CREB5: variants seen among roughly 807,000 people sequenced by gnomAD.
The protein encoded by CREB5 is cAMP responsive element binding protein 5.
Under a neutral mutation model 57.1 loss-of-function variants are expected in CREB5, and 19 were observed. The ratio of observed to expected loss-of-function variants is 0.33; its 90% CI spans 0.23 to 0.49. The LOEUF (loss-of-function observed/expected upper bound fraction) is 0.49. CREB5 is among the 20% of genes least tolerant of loss of function. The pLI is 0.99. For missense variants in CREB5, 579 were observed against 671.6 expected, an observed-to-expected ratio of 0.86 and a Z score of 1.52; for synonymous variants, 238 against 238.3, an observed-to-expected ratio of 1.00 and a Z score of 0.01.
chr7:28,758,122 A>G (rs1374050593), intron 7 of CREB5, among the ~76,000 whole-genome samples: 1 of 152,216 alleles, frequency 6.6e-6, no homozygotes, highest in African/African-American at 2.4e-5. Flanking sequence ...AGAAGCAGCC[A>G]TCATTGTCTC....
At chr7:28,535,689 G>T (rs1793937599) in intron 4 of CREB5, among the ~76,000 whole-genome samples, 2 of 151,820 alleles carry the variant, frequency 1.3e-5, no homozygotes, top group African/African-American at 4.8e-5. Flanking sequence ...AGGAAGGAAG[G>T]AAAAAGGAAG....
At chr7:28,505,472 C>G (rs1425014231) in intron 3 of CREB5, among the ~76,000 whole-genome samples, 1 of 152,148 alleles carries the variant, frequency 6.6e-6, no homozygotes, top group East Asian at 1.9e-4. Context: ...TAGGATCATA[C>G]AACTTTAGAA....
intron 7 of CREB5, among the ~76,000 whole-genome samples, chr7:28,751,341 G>C (rs1416526930): frequency 6.6e-6 from 1 of 152,226 alleles, no homozygotes; most frequent in Non-Finnish European, 1.5e-5. Flanking sequence ...TGTCAGAAAA[G>C]AGAAACTGAC....
chr7:28,550,701 A>AT (rs1181527902), intron 4 of CREB5, among the ~76,000 whole-genome samples: 1 of 152,230 alleles, frequency 6.6e-6, no homozygotes, highest in Non-Finnish European at 1.5e-5. Flanking sequence ...TCAATAACCC[A>AT]TGCTAGTGAA....
intron 7 of CREB5, among the ~76,000 whole-genome samples, chr7:28,727,734 T>C (rs531620816): frequency 5.4e-4 from 83 of 152,324 alleles, no homozygotes; most frequent in Non-Finnish European, 1.0e-3. Flanking sequence ...TCATTAACTA[T>C]GAGGTGGCTA....
intron 1 of CREB5, among the ~76,000 whole-genome samples, chr7:28,435,402 T>G (rs908118411): frequency 6.7e-6 from 1 of 148,916 alleles, no homozygotes; most frequent in African/African-American, 2.5e-5. Flanking sequence ...TTTTTTTTTT[T>G]GGTCTGGGAG....
intron 7 of CREB5, among the ~76,000 whole-genome samples, chr7:28,772,256 G>A (rs1806366568): frequency 6.6e-6 from 1 of 152,184 alleles, no homozygotes; most frequent in Non-Finnish European, 1.5e-5. Context: ...AAAATGTTCA[G>A]GTTAGTAGCC....
intron 8 of CREB5, among the ~76,000 whole-genome samples, chr7:28,807,795 A>G (rs1808833913): frequency 6.6e-6 from 1 of 152,200 alleles, no homozygotes. Flanking sequence ...AGAGGAAAAA[A>G]AAAAACACCT....
chr7:28,801,480 A>G (rs1376794193), intron 7 of CREB5, among the ~76,000 whole-genome samples: 1 of 152,198 alleles, frequency 6.6e-6, no homozygotes, highest in African/African-American at 2.4e-5. Context: ...AGAAACATGT[A>G]TCTAAAACCC....
intron 5 of CREB5, among the ~76,000 whole-genome samples, chr7:28,687,069 T>A (rs372336838): frequency 3.3e-5 from 5 of 152,190 alleles, no homozygotes; most frequent in African/African-American, 9.7e-5. Flanking sequence ...ATGATTGTGC[T>A]GTTCCATTTA....
intron 2 of CREB5, among the ~76,000 whole-genome samples, chr7:28,490,946 G>A (rs76267426): frequency 0.011 from 1,716 of 152,328 alleles, 22 homozygotes; most frequent in African/African-American, 0.038. Context: ...CCACAGACGT[G>A]TGGTCACTGG....
intron 7 of CREB5, among the ~76,000 whole-genome samples, chr7:28,768,890 G>A (rs1487952788): frequency 6.6e-6 from 1 of 152,180 alleles, no homozygotes; most frequent in East Asian, 1.9e-4. Flanking sequence ...TTGCATTTAG[G>A]ATAGCTTTCC....
At chr7:28,738,979 T>G (rs1804189405) in intron 7 of CREB5, among the ~76,000 whole-genome samples, 1 of 152,196 alleles carries the variant, frequency 6.6e-6, no homozygotes. Flanking sequence ...AGCTATAACT[T>G]AAGACTCAAG....
chr7:28,497,142 T>C (rs753880018), intron 3 of CREB5, among the ~76,000 whole-genome samples: 2 of 152,254 alleles, frequency 1.3e-5, no homozygotes, highest in African/African-American at 2.4e-5. Context: ...ATGATGATTA[T>C]GTAGGGAGAT....
At position 28,809,535 on chromosome 7, in the gene CREB5, C is replaced by T. The variant is rs1808976435; in HGVS notation, c.1254+121C>T. On this transcript the variant is annotated intron_variant, in intron 9 of 10. Coordinates refer to ENST00000357727, the MANE Select transcript of CREB5 (RefSeq NM_182898.4). ...CCACACACTTAGTCCACAGAGGAGC[C>T]GCAGCCCCACTCCTCGAGTTTTATT... The T allele has an allele frequency of 7.2e-6, 6 of 830,500 alleles. No individual in the cohort carries two copies. In the Admixed American group the frequency reaches 1.5e-4, roughly 21 times the overall value. 51.4% of individuals were successfully genotyped at this position (830,500 alleles called of 1,614,324 possible).
At chr7:28,420,156 A>T (rs1001004521) in intron 1 of CREB5, among the ~76,000 whole-genome samples, 2 of 151,958 alleles carry the variant, frequency 1.3e-5, no homozygotes, top group African/African-American at 4.8e-5. Context: ...GGAGAAAAAG[A>T]GTACATATAA....
At chr7:28,590,367 T>C (rs1208200180) in intron 5 of CREB5, among the ~76,000 whole-genome samples, 1 of 151,968 alleles carries the variant, frequency 6.6e-6, no homozygotes, top group Admixed American at 6.6e-5. Context: ...GATGAGTTCA[T>C]GTCCTTTGTA....
intron 1 of CREB5, among the ~76,000 whole-genome samples, chr7:28,319,163 T>C (rs1273800880): frequency 6.6e-6 from 1 of 151,858 alleles, no homozygotes; most frequent in Admixed American, 6.6e-5. Flanking sequence ...AAAACTCCAG[T>C]GGAGGGAAAG....
chr7:28,665,309 G>T (rs1237916394), intron 5 of CREB5, among the ~76,000 whole-genome samples: 1 of 152,108 alleles, frequency 6.6e-6, no homozygotes, highest in Non-Finnish European at 1.5e-5. Flanking sequence ...AGGCAGAGTT[G>T]CATTAAACCT....
Sources: allele counts gnomAD v4.1 joint callset (sites outside exome capture counted in the v4.1 genomes callset), GRCh38; gene constraint gnomAD v4.1.1; transcripts MANE v1.5; gene names NCBI Gene and HGNC (gene_info 2026-07-23, HGNC 2026-07-21).